Variants in IHO1 observed in about 807,000 individuals in gnomAD.
The protein encoded by IHO1 is interactor of HORMAD1 protein 1.
IHO1 carries 13 observed loss-of-function variants against 31.0 expected under a neutral mutation model. The ratio of observed to expected loss-of-function variants is 0.42; its 90% CI spans 0.27 to 0.67. The LOEUF is 0.67. Ranked by LOEUF, IHO1 falls within the 30% of genes least tolerant of loss-of-function variation. The pLI, the probability that IHO1 is intolerant of heterozygous loss-of-function variation, is 0.24. For synonymous variants in IHO1, 221 were observed against 248.4 expected (o/e 0.89, Z 1.04); for missense variants, 599 against 687.5 (o/e 0.87, Z 1.44).
At chr3:49,249,855 C>T (rs2046739796) in intron 6 of IHO1, among the ~76,000 whole-genome samples, 1 of 152,130 alleles carries the variant, frequency 6.6e-6, no homozygotes, top group Non-Finnish European at 1.5e-5. Flanking sequence ...TCATCAGCAC[C>T]TGAGGGAGAA....
intron 2 of IHO1, among the ~76,000 whole-genome samples, chr3:49,216,088 G>A (rs2046283106): frequency 6.6e-6 from 1 of 152,102 alleles, no homozygotes; most frequent in Non-Finnish European, 1.5e-5. Flanking sequence ...GTACTTATAT[G>A]TTATCTAATT....
intron 2 of IHO1, among the ~76,000 whole-genome samples, chr3:49,222,935 G>T (rs978968253): frequency 1.3e-5 from 2 of 152,120 alleles, no homozygotes; most frequent in Admixed American, 1.3e-4. Context: ...AAGGATTACC[G>T]AGTATGGTCC....
chr3:49,241,528 TAC>T, intron 4 of IHO1, 139 bp downstream of exon 4: 1 of 554,834 alleles, frequency 1.8e-6, no homozygotes, highest in Admixed American at 3.4e-5. Flanking sequence ...CCATAGGACT[TAC>T]ACACACATAC....
At chr3:49,210,731 C>G (rs1240907334) in intron 1 of IHO1, among the ~76,000 whole-genome samples, 22 of 135,572 alleles carry the variant, frequency 1.6e-4, no homozygotes, top group Non-Finnish European at 3.3e-4. Flanking sequence ...GGGTCTCACT[C>G]TGTCGCCCCA....
chr3:49,246,834 CT>C (rs1180949348), intron 6 of IHO1, among the ~76,000 whole-genome samples: 1 of 151,672 alleles, frequency 6.6e-6, no homozygotes, highest in East Asian at 1.9e-4. Context: ...CCTTAATTTT[CT>C]TTTGCTTTTC....
intron 2 of IHO1, among the ~76,000 whole-genome samples, chr3:49,232,438 G>T (rs768454675): frequency 2.6e-5 from 4 of 152,248 alleles, no homozygotes; most frequent in African/African-American, 7.2e-5. Context: ...TTGGTGGAGA[G>T]ATCTGATAAC....
intron 6 of IHO1, among the ~76,000 whole-genome samples, chr3:49,254,933 A>T (rs2046805148): frequency 1.3e-5 from 2 of 151,994 alleles, no homozygotes; most frequent in African/African-American, 4.8e-5. Flanking sequence ...GCATGGTGGC[A>T]TGCGCATGTA....
chr3:49,246,192 A>C (rs894361579), intron 6 of IHO1, among the ~76,000 whole-genome samples: 1 of 151,658 alleles, frequency 6.6e-6, no homozygotes, highest in Non-Finnish European at 1.5e-5. Context: ...AAAAAAAAAA[A>C]AAAAAAAAAA....
intron 6 of IHO1, among the ~76,000 whole-genome samples, chr3:49,251,060 C>T (rs2046753878): frequency 6.6e-6 from 1 of 151,926 alleles, no homozygotes; most frequent in Non-Finnish European, 1.5e-5. Flanking sequence ...TAAATTGTTT[C>T]ATGTTAGTTT....
At chr3:49,249,719 G>A (rs998143858) in intron 6 of IHO1, among the ~76,000 whole-genome samples, 1 of 152,180 alleles carries the variant, frequency 6.6e-6, no homozygotes, top group Non-Finnish European at 1.5e-5. Context: ...GGTGCTCTTC[G>A]CGTGCTCCAG....
rs1470810877 is a variant in IHO1 at position 49,241,514 on chromosome 3, C to G, written c.395+125C>G. On this transcript the variant is annotated intron_variant, in intron 4 of 7. Transcript: ENST00000452691. ...ATGTATTAGAGTTCTCCAGAGAAAC[C>G]AAACCATAGGACTTACACACACATA... 4.1e-6 allele frequency: 3 copies of G among 739,590 alleles called. No individual in the cohort carries two copies. In the South Asian group the frequency reaches 6.3e-5, roughly 16 times the overall value. 45.8% of individuals were successfully genotyped at this position (739,590 alleles called of 1,614,324 possible).
At chr3:49,226,654 C>A (rs1477264243) in intron 2 of IHO1, among the ~76,000 whole-genome samples, 1 of 150,368 alleles carries the variant, frequency 6.7e-6, no homozygotes. Flanking sequence ...TCATTTACTT[C>A]ACTAAGATAC....
intron 2 of IHO1, among the ~76,000 whole-genome samples, chr3:49,216,622 A>G (rs2046289548): frequency 6.6e-6 from 1 of 152,220 alleles, no homozygotes; most frequent in Non-Finnish European, 1.5e-5. Flanking sequence ...AGCAATGGCA[A>G]CAAAAGCCAA....
chr3:49,238,133 A>C (rs1270961238), intron 3 of IHO1, among the ~76,000 whole-genome samples: 1 of 151,438 alleles, frequency 6.6e-6, no homozygotes, highest in African/African-American at 2.4e-5. Context: ...TGAGCTCCTA[A>C]CCTCAGATGA....
intron 2 of IHO1, chr3:49,214,014 C>A (rs201804733): frequency 5.3e-4 from 191 of 357,322 alleles, no homozygotes; most frequent in Admixed American, 1.1e-3. Flanking sequence ...CATACAGACT[C>A]TTCTTCTCTT....
At chr3:49,203,051 G>A (rs752018443) in intron 1 of IHO1, among the ~76,000 whole-genome samples, 7 of 151,962 alleles carry the variant, frequency 4.6e-5, no homozygotes, top group Non-Finnish European at 1.0e-4. Flanking sequence ...TTTTTTAGTA[G>A]AGATGGGGTT....
Position 49,256,075 on chromosome 3 carries a change from T to C in IHO1, c.637-59T>C. On this transcript the variant is annotated intron_variant, in intron 7 of 7. Transcript: ENST00000452691. The surrounding 1 kb of genome is among the most constrained non-coding windows in gnomAD (Gnocchi z 4.6). ...CATCCATTGGTCTGTTCTCATGTTT[T>C]ATTGTGCTTTCTGACTTGCACTGTC... The C allele has an allele frequency of 7.0e-7, 1 of 1,421,142 alleles. No homozygotes were observed. The highest frequency in any genetic ancestry group is 9.6e-7 in the Non-Finnish European group (1 of 1,038,760). 88.0% of individuals were successfully genotyped at this position (1,421,142 alleles called of 1,614,324 possible).
the IHO1 span, among the ~76,000 whole-genome samples, chr3:49,192,806 G>GGATT: frequency 6.6e-6 from 1 of 152,114 alleles, no homozygotes; most frequent in African/African-American, 2.4e-5. Context: ...TGAAGTGGGA[G>GGATT]GATTGCCTGA....
At position 49,241,309 on chromosome 3, in the gene IHO1, T is replaced by C; in HGVS notation, c.315T>C (p.Pro105=). ...TAAAAGATGGAGGTTTATTTCCTCC[T>C]CCTTTGTCAGTTGGAAAATCAAAAG... ...GDIKDGGLFP[P]PLSVGKSKGL... Residue 105 remains proline, a synonymous_variant, in exon 4 of 8, where the codon CCT becomes CCC. Coordinates refer to ENST00000452691, the MANE Select transcript of IHO1 (RefSeq NM_001135197.2). 3 of 1,613,758 alleles carry C rather than the reference T, an allele frequency of 1.9e-6. No individual in the cohort carries two copies. The highest frequency in any genetic ancestry group is 2.5e-6 in the Non-Finnish European group (3 of 1,179,744).
Sources: gnomAD v4.1 joint callset for allele counts (sites outside exome capture counted in the v4.1 genomes callset) on GRCh38, gnomAD v4.1.1 for gene constraint, Gnocchi (gnomAD v3.1) non-coding constraint, MANE v1.5 for transcripts, NCBI Gene and HGNC (gene_info 2026-07-23, HGNC 2026-07-21) for gene names.